Variants in SH3RF1 observed in about 807,000 individuals in gnomAD.
SH3RF1 encodes SH3 domain containing ring finger 1.
A neutral mutation model predicts 74.0 loss-of-function variants in SH3RF1; 32 were observed. The observed-to-expected ratio is 0.43, with a 90% CI of 0.33 to 0.58. The LOEUF is 0.58. Ranked by LOEUF, SH3RF1 falls within the 20% of genes least tolerant of loss-of-function variation. The pLI is 0.05. For missense variants in SH3RF1, 954 were observed against 1,130.9 expected, an observed-to-expected ratio of 0.84 and a Z score of 2.24; for synonymous variants, 396 against 439.6, an observed-to-expected ratio of 0.90 and a Z score of 1.24.
intron 8 of SH3RF1, among the ~76,000 whole-genome samples, chr4:169,119,063 T>C (rs1310789187): frequency 1.3e-5 from 2 of 152,136 alleles, no homozygotes; most frequent in Non-Finnish European, 2.9e-5. Flanking sequence ...AATGACAGAA[T>C]TTACTGTAAG....
intron 2 of SH3RF1, among the ~76,000 whole-genome samples, chr4:169,235,229 C>A (rs748194069): frequency 1.3e-5 from 2 of 152,158 alleles, no homozygotes; most frequent in Admixed American, 6.5e-5. Context: ...CAAGTATCAT[C>A]TAGCTTACAT....
chr4:169,205,764 G>A (rs1730245031), intron 2 of SH3RF1, among the ~76,000 whole-genome samples: 1 of 152,038 alleles, frequency 6.6e-6, no homozygotes, highest in South Asian at 2.1e-4. Flanking sequence ...TCTGACTCAA[G>A]GAAAGCAAAA....
intron 2 of SH3RF1, among the ~76,000 whole-genome samples, chr4:169,190,130 A>G (rs1734675598): frequency 6.6e-6 from 1 of 152,224 alleles, no homozygotes; most frequent in South Asian, 2.1e-4. Context: ...AGTCTGAAAC[A>G]GCACAGACAT....
chr4:169,156,403 C>A lies in SH3RF1; in HGVS notation c.669+1G>T. The A allele has an allele frequency of 1.3e-6, 2 of 1,583,456 alleles. No homozygotes were observed. Among genetic ancestry groups the A allele is most frequent in the South Asian group, 1.2e-5 (1 of 86,418 alleles). ...AGAAAACAAGCACATTCTACCTTTA[C>A]CTTTGCAAATGGAAGGCAATCTTTG... On this transcript the variant is annotated splice_donor_variant, in intron 3 of 11. Coordinates refer to ENST00000284637, the MANE Select transcript of SH3RF1 (RefSeq NM_020870.4). LOFTEE classifies it high-confidence loss of function.
chr4:169,183,434 C>T (rs1175057288), intron 2 of SH3RF1, among the ~76,000 whole-genome samples: 2 of 152,158 alleles, frequency 1.3e-5, no homozygotes, highest in East Asian at 1.9e-4. Flanking sequence ...GCACTTGCCA[C>T]CATGCCCAGC....
chr4:169,235,854 T>A (rs1490154698), intron 2 of SH3RF1, among the ~76,000 whole-genome samples: 1 of 152,148 alleles, frequency 6.6e-6, no homozygotes, highest in Non-Finnish European at 1.5e-5. Context: ...CTACTTTTTG[T>A]GTTTTTAGAA....
chr4:169,194,540 G>C (rs956034343), intron 2 of SH3RF1, among the ~76,000 whole-genome samples: 1 of 152,088 alleles, frequency 6.6e-6, no homozygotes, highest in African/African-American at 2.4e-5. Flanking sequence ...ATATGATTAC[G>C]TGTGTCAGTT....
chr4:169,189,032 C>A (rs943719752), intron 2 of SH3RF1, among the ~76,000 whole-genome samples: 6 of 152,176 alleles, frequency 3.9e-5, no homozygotes, highest in South Asian at 2.1e-4. Context: ...TCCAGGGATA[C>A]AATTTAACTG....
At chr4:169,209,405 G>A (rs1730321060) in intron 2 of SH3RF1, among the ~76,000 whole-genome samples, 1 of 152,082 alleles carries the variant, frequency 6.6e-6, no homozygotes, top group African/African-American at 2.4e-5. Flanking sequence ...CTGATGCCAA[G>A]TCAGTTTAAG....
intron 2 of SH3RF1, among the ~76,000 whole-genome samples, chr4:169,170,790 A>G (rs961916800): frequency 1.8e-4 from 28 of 152,210 alleles, no homozygotes; most frequent in Non-Finnish European, 3.1e-4. Flanking sequence ...TCTGTCTGAA[A>G]TACAACTTTT....
chr4:169,173,266 G>A (rs1734362556), intron 2 of SH3RF1, among the ~76,000 whole-genome samples: 1 of 151,986 alleles, frequency 6.6e-6, no homozygotes. Context: ...ACTCCTACTT[G>A]CTCCTGACCA....
chr4:169,153,188 C>T (rs1290671497), intron 4 of SH3RF1, among the ~76,000 whole-genome samples: 1 of 152,104 alleles, frequency 6.6e-6, no homozygotes, highest in Non-Finnish European at 1.5e-5. Context: ...TGCTCTGGTA[C>T]CCTCTGCGTG....
chr4:169,159,633 T>G (rs1369319277), intron 2 of SH3RF1, among the ~76,000 whole-genome samples: 1 of 152,152 alleles, frequency 6.6e-6, no homozygotes, highest in African/African-American at 2.4e-5. Flanking sequence ...ACACCTTAAA[T>G]GACCCAGCAG....
At chr4:169,180,510 C>T (rs2706717) in intron 2 of SH3RF1, among the ~76,000 whole-genome samples, 34 of 152,106 alleles carry the variant, frequency 2.2e-4, no homozygotes, top group African/African-American at 8.2e-4. Context: ...AGCAAAAGTG[C>T]GGAAAGAAAA....
At chr4:169,159,722 G>C (rs1307527215) in intron 2 of SH3RF1, among the ~76,000 whole-genome samples, 1 of 152,228 alleles carries the variant, frequency 6.6e-6, no homozygotes, top group Non-Finnish European at 1.5e-5. Flanking sequence ...CTCTTTACCA[G>C]TGAAATGGGG....
chr4:169,162,683 T>A (rs1417862895), intron 2 of SH3RF1, among the ~76,000 whole-genome samples: 1 of 152,196 alleles, frequency 6.6e-6, no homozygotes, highest in Non-Finnish European at 1.5e-5. Context: ...TTCATTCACA[T>A]GTCTTCTTTT....
At chr4:169,240,634 T>C (rs996665467) in intron 2 of SH3RF1, among the ~76,000 whole-genome samples, 3 of 152,224 alleles carry the variant, frequency 2.0e-5, no homozygotes, top group African/African-American at 4.8e-5. Flanking sequence ...ACAGCATTTT[T>C]AATATGTATA....
chr4:169,114,771 T>G (rs1164216653), intron 10 of SH3RF1, among the ~76,000 whole-genome samples: 1 of 152,244 alleles, frequency 6.6e-6, no homozygotes, highest in African/African-American at 2.4e-5. Context: ...TCAAAAACTC[T>G]CATGTTAACC....
intron 4 of SH3RF1, among the ~76,000 whole-genome samples, chr4:169,144,675 G>A (rs1389948564): frequency 6.6e-6 from 1 of 152,128 alleles, no homozygotes; most frequent in Non-Finnish European, 1.5e-5. Flanking sequence ...GACCAACAGA[G>A]AATGGCAGGC....
Sources: gnomAD v4.1 joint callset for allele counts (sites outside exome capture counted in the v4.1 genomes callset) on GRCh38, gnomAD v4.1.1 for gene constraint, MANE v1.5 for transcripts, NCBI Gene and HGNC (gene_info 2026-07-23, HGNC 2026-07-21) for gene names.